Variants in MGST1 observed in about 807,000 individuals in gnomAD.
MGST1 encodes microsomal glutathione S-transferase 1.
A neutral mutation model predicts 8.9 loss-of-function variants in MGST1; 5 were observed. The observed-to-expected ratio is 0.56, with a 90% confidence interval of 0.29 to 1.19. The LOEUF is 1.19. Among genes scored for constraint, MGST1 ranks in the 50% most tolerant of loss-of-function variants. The pLI, the probability that MGST1 is intolerant of heterozygous loss-of-function variation, is 0.08. For synonymous variants in MGST1, 54 were observed against 67.8 expected (o/e 0.80, Z 1.00); for missense variants, 182 against 187.4 (o/e 0.97, Z 0.17).
Position 16,401,997 on chromosome 12 carries a change from A to T in MGST1, n.778+18393A>T, listed in dbSNP as rs1940659793. ...CCAGCTCTTCATGAACTCTCCAGGG[A>T]ATTTGTCTTTGCTGAACACTCCAAT... On this transcript the variant is annotated intron_variant and non_coding_transcript_variant, in intron 1 of 1. Coordinates refer to the MGST1 transcript ENST00000359720. The surrounding 1 kb of genome is among the most constrained non-coding windows in gnomAD (Gnocchi z 4.3). 6.2e-7 allele frequency: 1 copy of T among 1,611,940 alleles called. No homozygotes were observed. Among genetic ancestry groups the T allele is most frequent in the Admixed American group, 1.7e-5 (1 of 60,012 alleles).
At chr12:16,425,036 G>A (rs1366377639) in intron 1 of MGST1, among the ~76,000 whole-genome samples, 1 of 152,108 alleles carries the variant, frequency 6.6e-6, no homozygotes, top group African/African-American at 2.4e-5. Flanking sequence ...TCTTTCAGTG[G>A]TGTTTCTGAG....
At chr12:16,398,021 G>A (rs1940620939) in intron 1 of MGST1, among the ~76,000 whole-genome samples, 1 of 151,048 alleles carries the variant, frequency 6.6e-6, no homozygotes, top group African/African-American at 2.4e-5. Context: ...TTACTTACAT[G>A]TGCACTGACA....
chr12:16,491,113 G>A (rs1317373463), intron 4 of MGST1, among the ~76,000 whole-genome samples: 1 of 152,060 alleles, frequency 6.6e-6, no homozygotes, highest in Non-Finnish European at 1.5e-5. Flanking sequence ...TATGGTTCAA[G>A]CTCAGCTAGG....
At chr12:16,516,929 C>T (rs1013696678) in intron 4 of MGST1, among the ~76,000 whole-genome samples, 3 of 152,086 alleles carry the variant, frequency 2.0e-5, no homozygotes, top group Non-Finnish European at 2.9e-5. Flanking sequence ...TTACAATTAG[C>T]GAGTGTGCCT....
chr12:16,417,243 A>G (rs1418207503), intron 1 of MGST1, among the ~76,000 whole-genome samples: 1 of 152,134 alleles, frequency 6.6e-6, no homozygotes, highest in Non-Finnish European at 1.5e-5. Context: ...CCTTTTTCAC[A>G]TGGTGGCAGG....
At chr12:16,421,043 T>A (rs7967004) in intron 1 of MGST1, among the ~76,000 whole-genome samples, 2 of 151,804 alleles carry the variant, frequency 1.3e-5, no homozygotes, top group Non-Finnish European at 2.9e-5. Context: ...TCCTATCCTC[T>A]GCTACACATT....
intron 4 of MGST1, among the ~76,000 whole-genome samples, chr12:16,541,725 AAGG>A (rs1282184271): frequency 5.9e-5 from 9 of 152,132 alleles, no homozygotes; most frequent in Non-Finnish European, 8.8e-5. Flanking sequence ...GCCAGATTGG[AAGG>A]AGAAGTGACG....
upstream of MGST1, among the ~76,000 whole-genome samples, chr12:16,382,675 G>T (rs903503067): frequency 2.6e-5 from 4 of 152,170 alleles, no homozygotes; most frequent in African/African-American, 9.7e-5. Context: ...CTGTCAGACA[G>T]GGACTTTTAA....
chr12:16,436,978 A>G (rs1940992418), intron 1 of MGST1, among the ~76,000 whole-genome samples: 1 of 152,024 alleles, frequency 6.6e-6, no homozygotes, highest in Non-Finnish European at 1.5e-5. Context: ...GGCCATTTAT[A>G]TAGCCAAATA....
At chr12:16,475,074 T>G (rs749565291) in intron 4 of MGST1, among the ~76,000 whole-genome samples, 3 of 152,134 alleles carry the variant, frequency 2.0e-5, no homozygotes, top group African/African-American at 4.8e-5. Context: ...GCTTTTGGCT[T>G]AAGGGGAAAC....
At chr12:16,518,841 A>G (rs977489792) in intron 4 of MGST1, among the ~76,000 whole-genome samples, 12 of 152,236 alleles carry the variant, frequency 7.9e-5, no homozygotes, top group African/African-American at 2.9e-4. Context: ...ATAGACATTT[A>G]GCATTAAAGA....
At chr12:16,392,413 T>C (rs764491876) in intron 1 of MGST1, among the ~76,000 whole-genome samples, 33 of 152,198 alleles carry the variant, frequency 2.2e-4, no homozygotes, top group Non-Finnish European at 4.6e-4. Context: ...TCATGCAAAC[T>C]TTTAGGACTG....
intron 4 of MGST1, among the ~76,000 whole-genome samples, chr12:16,540,883 C>A (rs1941789292): frequency 1.3e-5 from 2 of 152,138 alleles, no homozygotes; most frequent in South Asian, 4.1e-4. Flanking sequence ...GCACTCTAGC[C>A]TGAGTAACAG....
chr12:16,514,102 C>A, intron 4 of MGST1: 1 of 377,258 alleles, frequency 2.7e-6, no homozygotes. Flanking sequence ...AATCTCTTTG[C>A]ACTCTTCGAC....
At chr12:16,461,496 A>G (rs1941220848) in intron 4 of MGST1, among the ~76,000 whole-genome samples, 1 of 152,152 alleles carries the variant, frequency 6.6e-6, no homozygotes, top group Non-Finnish European at 1.5e-5. Context: ...TGGATGTTTT[A>G]AAGCATGTCA....
In MGST1 at chr12:16,535,033, C is replaced by A. The variant is rs369282349; in HGVS notation, n.483-54495C>A. 1.8e-4 allele frequency among the ~76,000 whole-genome samples: 27 copies of A among 152,324 alleles called. No homozygotes were observed. In the South Asian group the frequency reaches 5.6e-3, roughly 32 times the overall value. On this transcript the variant is annotated intron_variant and non_coding_transcript_variant, in intron 4 of 4. Transcript: ENST00000538857. ...AGATCCCAGCTCATGACACTGAGTGCAGTGCCTGCCTCTGGTCCCCCTTAG... is the reference window on the plus strand; with the variant it reads ...AGATCCCAGCTCATGACACTGAGTGAAGTGCCTGCCTCTGGTCCCCCTTAG...
At chr12:16,581,973 ATATT>A (rs1326829287) in intron 4 of MGST1, among the ~76,000 whole-genome samples, 1 of 151,952 alleles carries the variant, frequency 6.6e-6, no homozygotes, top group Non-Finnish European at 1.5e-5. Context: ...TTTACTATTT[ATATT>A]TATTTACTTC....
intron 4 of MGST1, among the ~76,000 whole-genome samples, chr12:16,474,439 T>C (rs927948354): frequency 2.0e-5 from 3 of 152,238 alleles, no homozygotes; most frequent in African/African-American, 7.2e-5. Flanking sequence ...TTATTGGATT[T>C]CATTCAATTT....
intron 1 of MGST1, among the ~76,000 whole-genome samples, chr12:16,419,134 A>G (rs1420109971): frequency 1.3e-5 from 2 of 152,138 alleles, no homozygotes; most frequent in African/African-American, 4.8e-5. Flanking sequence ...TCAGGTCATC[A>G]CCAATCTTAG....
Sources: allele counts gnomAD v4.1 joint callset (sites outside exome capture counted in the v4.1 genomes callset), GRCh38; gene constraint gnomAD v4.1.1; non-coding constraint Gnocchi (gnomAD v3.1); transcripts MANE v1.5; gene names NCBI Gene and HGNC (gene_info 2026-07-23, HGNC 2026-07-21).